ASPM: variants seen among roughly 807,000 people sequenced by gnomAD.
ASPM encodes abnormal spindle-like microcephaly-associated protein.
ASPM carries 256 observed loss-of-function variants against 366.4 expected under a neutral mutation model. The ratio of observed to expected loss-of-function variants is 0.70; its 90% CI spans 0.63 to 0.77. The LOEUF is 0.77. Ranked by LOEUF, ASPM falls within the 30% of genes least tolerant of loss-of-function variation. The probability of loss-of-function intolerance (pLI) is 0.00; values close to 1 mark genes in which losing one functional copy is unlikely to be tolerated. For synonymous variants in ASPM, 1,414 were observed against 1,342.9 expected (o/e 1.05, Z -1.16); for missense variants, 4,146 against 4,090.4 (o/e 1.01, Z -0.37).
In ASPM at chr1:197,103,624, G is replaced by A; in HGVS notation, c.5627C>T (p.Ala1876Val). The A allele has an allele frequency of 3.7e-6, 6 of 1,612,870 alleles. No homozygotes were observed. Among genetic ancestry groups the A allele is most frequent in the African/African-American group, 1.3e-5 (1 of 74,952 alleles). The change falls in exon 18 of 28, where the codon GCA (alanine) becomes GTA (valine). Residue 1876 changes from alanine to valine, a missense_variant. Coordinates refer to ENST00000367409, the MANE Select transcript of ASPM (RefSeq NM_018136.5). The stretch of plus-strand genomic sequence containing the variant: ...AGCAGACTGGAGGGAAATCACAGCT[G>A]CCTTTGTCTTCAAAAAATGTGTTCT... Reference protein sequence around the residue: ...DTRTHFLKTKAAVISLQSAYR... With the variant: ...DTRTHFLKTKVAVISLQSAYR...
In ASPM at chr1:197,086,796, T is replaced by C; in HGVS notation, c.10331+7A>G. ...CACAAATTTATGGACTATATTTAAT[T>C]GCTTACCTTGAAACTATTCTGGTCC... On this transcript the variant is annotated splice_region_variant and intron_variant, in intron 27 of 27. Coordinates refer to ENST00000367409, the MANE Select transcript of ASPM (RefSeq NM_018136.5). The C allele has an allele frequency of 5.6e-6, 9 of 1,596,306 alleles. No individual in the cohort carries two copies. The highest frequency in any genetic ancestry group is 7.7e-6 in the Non-Finnish European group (9 of 1,164,268).
At chr1:197,135,826 G>A (rs1658405147) in intron 4 of ASPM, among the ~76,000 whole-genome samples, 2 of 151,922 alleles carry the variant, frequency 1.3e-5, no homozygotes, top group African/African-American at 4.8e-5. Flanking sequence ...GGTGGCACAT[G>A]CCTGTAGCCC....
intron 27 of ASPM, among the ~76,000 whole-genome samples, chr1:197,085,732 C>T (rs1211867839): frequency 2.0e-5 from 3 of 151,846 alleles, no homozygotes; most frequent in Admixed American, 6.6e-5. Context: ...ATCAGTAGTT[C>T]CCAAAATCCA....
rs144574871 is a variant in ASPM, at chr1:197,102,976, T to A, written c.6275A>T (p.Asn2092Ile). The A allele has an allele frequency of 1.4e-4, 231 of 1,612,466 alleles. No individual in the cohort carries two copies. Among genetic ancestry groups the A allele is most frequent in the Non-Finnish European group, 1.8e-4 (213 of 1,179,108 alleles). Residue 2092 changes from asparagine to isoleucine, a missense_variant, in exon 18 of 28, where the codon AAT becomes ATT. Asn to Ile is a moderately radical substitution (Grantham distance 149, BLOSUM62 -3). Transcript: ENST00000367409. ...GATTTTAATTGCTGTCTTCTTCAAATTAAGATACTCCTTATGCTGATGGTT... is the reference window on the plus strand; with the variant it reads ...GATTTTAATTGCTGTCTTCTTCAAAATAAGATACTCCTTATGCTGATGGTT... The part of the protein sequence containing the change: ...ITNHQHKEYL[N>I]LKKTAIKIQS...
intron 25 of ASPM, among the ~76,000 whole-genome samples, chr1:197,089,300 C>T (rs1021154468): frequency 2.0e-5 from 3 of 151,930 alleles, no homozygotes; most frequent in Non-Finnish European, 4.4e-5. Flanking sequence ...ATCTTTCAAC[C>T]TTTGGTTGCA....
intron 10 of ASPM, among the ~76,000 whole-genome samples, chr1:197,128,279 T>C (rs1658148628): frequency 1.3e-5 from 2 of 149,134 alleles, no homozygotes. Context: ...TCACATGCCA[T>C]CAGGAAAAAA....
intron 19 of ASPM, 107 bp downstream of exon 19, chr1:197,095,891 A>G (rs1656958381): frequency 1.9e-6 from 2 of 1,029,000 alleles, no homozygotes; most frequent in African/African-American, 3.3e-5. Flanking sequence ...TAAATTAAGC[A>G]TAACAAATAT....
In ASPM at chr1:197,100,775, A is replaced by G. The variant is rs760313197; in HGVS notation, c.8476T>C (p.Cys2826Arg). ...RAAVTIQKAF[C>R]RMVTRKLETQ... ...TCCAGTTTTCTTGTGACCATTCTACAAAAAGCTTTTTGAATTGTTACTGCA... is the reference window on the plus strand; with the variant it reads ...TCCAGTTTTCTTGTGACCATTCTACGAAAAGCTTTTTGAATTGTTACTGCA... Residue 2826 changes from cysteine to arginine, a missense_variant, in exon 18 of 28, where the codon TGT (cysteine) becomes CGT (arginine). This residue lies in a region of ASPM where 3,624 missense variants were observed against 3,591.7 expected (regional missense o/e 1.01). Coordinates refer to ENST00000367409, the MANE Select transcript of ASPM (RefSeq NM_018136.5). The G allele has an allele frequency of 6.8e-6, 11 of 1,612,364 alleles. No individual in the cohort carries two copies. Among genetic ancestry groups the G allele is most frequent in the Admixed American group, 6.7e-5 (4 of 59,726 alleles).
rs2125085174 is a variant in ASPM at position 197,084,384 on chromosome 1, T to C, written c.10374A>G (p.Glu3458=). 3 of 1,613,178 alleles carry C rather than the reference T, an allele frequency of 1.9e-6. No individual in the cohort carries two copies. The South Asian group carries it at 3.3e-5, about 18-fold the overall frequency. Reference sequence around the variant, plus strand: ...GAATAGCTTGCAGGGGATTTGTGATTTCTTCCATGTTATCTCTTCTCAAAA... The same window carrying C: ...GAATAGCTTGCAGGGGATTTGTGATCTCTTCCATGTTATCTCTTCTCAAAA... ...DWVLRRDNME[E]ITNPLQAIQM... The change falls in exon 28 of 28, where the codon GAA becomes GAG. Residue 3458 remains glutamate, a synonymous_variant. Transcript: ENST00000367409.
intron 3 of ASPM, among the ~76,000 whole-genome samples, chr1:197,141,554 C>T (rs1229962094): frequency 6.6e-6 from 1 of 152,078 alleles, no homozygotes; most frequent in Non-Finnish European, 1.5e-5. Context: ...AGGAGAAATT[C>T]CTCATTCTTA....
At position 197,088,376 on chromosome 1, in the gene ASPM, C is replaced by T. The variant is rs191340810; in HGVS notation, c.10041G>A (p.Leu3347=). 5.3e-5 allele frequency: 86 copies of T among 1,611,080 alleles called. No individual in the cohort carries two copies. The highest frequency in any genetic ancestry group is 1.3e-4 in the Admixed American group (8 of 59,974). The part of the protein sequence containing the change: ...YDVENCIDIL[L]ELLQIYREKP... The stretch of plus-strand genomic sequence containing the variant: ...TTTCTCGGTATATCTGCAAAAGCTC[C>T]AATAGTATATCTATACAATTTTCTA... The change falls in exon 26 of 28, where the codon TTG becomes TTA. Residue 3347 remains leucine (L), a synonymous_variant. Coordinates refer to ENST00000367409, the MANE Select transcript of ASPM (RefSeq NM_018136.5).
intron 18 of ASPM, 107 bp downstream of exon 18, chr1:197,100,324 C>T (rs957050989): frequency 4.2e-5 from 34 of 804,022 alleles, no homozygotes; most frequent in Non-Finnish European, 6.5e-5. Flanking sequence ...GTCACCTCAA[C>T]TAAGTACTAT....
In ASPM at chr1:197,129,923, T is replaced by C. The variant is rs766739147; in HGVS notation, c.2621A>G (p.Tyr874Cys). 1.5e-5 allele frequency: 24 copies of C among 1,613,674 alleles called. No homozygotes were observed. The highest frequency in any genetic ancestry group is 2.7e-5 in the African/African-American group (2 of 75,054). ...EYRHPTVPHL[Y>C]RDGHEEALSK... ...GAGGCAGAGATACTTACCATCTCTATACAGGTGAGGAACAGTGGGGTGTCT... is the reference window on the plus strand; with the variant it reads ...GAGGCAGAGATACTTACCATCTCTACACAGGTGAGGAACAGTGGGGTGTCT... The change falls in exon 8 of 28, where the codon TAT becomes TGT. Residue 874 changes from tyrosine to cysteine, a missense_variant. Transcript: ENST00000367409.
intron 17 of ASPM, among the ~76,000 whole-genome samples, chr1:197,107,328 AAT>A (rs1244038045): frequency 1.3e-5 from 2 of 152,102 alleles, no homozygotes; most frequent in Non-Finnish European, 2.9e-5. Context: ...ATATGATACA[AAT>A]ATCACTCACT....
chr1:197,138,966 A>T, intron 4 of ASPM: 1 of 730,436 alleles, frequency 1.4e-6, no homozygotes, highest in Non-Finnish European at 2.5e-6. Context: ...TCGCTGCATA[A>T]ATCTGTTTCA....
intron 17 of ASPM, among the ~76,000 whole-genome samples, chr1:197,111,744 C>A (rs1313744061): frequency 2.0e-5 from 3 of 151,944 alleles, no homozygotes; most frequent in Non-Finnish European, 4.4e-5. Context: ...ATACATGCAG[C>A]CAACAATCAT....
At chr1:197,089,534 G>A (rs1656708402) in intron 25 of ASPM, among the ~76,000 whole-genome samples, 1 of 151,812 alleles carries the variant, frequency 6.6e-6, no homozygotes, top group Non-Finnish European at 1.5e-5. Context: ...ATCACACTCA[G>A]GTTCTTACAG....
Position 197,133,368 on chromosome 1 carries a change from G to A in ASPM, c.2401C>T (p.His801Tyr), listed in dbSNP as rs780706988. 3.7e-6 allele frequency: 6 copies of A among 1,613,656 alleles called. No individual in the cohort carries two copies. The African/African-American group carries it at 4.0e-5, about 11-fold the overall frequency. Residue 801 changes from histidine (H) to tyrosine (Y), a missense_variant, in exon 6 of 28, where the codon CAC becomes TAC. Transcript: ENST00000367409. ...TTCTTACCCACATCTTTCCATAGGT[G>A]TCTATCTTTTCGAACAATTAACCGC... ...ARRLIVRKDR[H>Y]LWKDVGERQK...
In ASPM at chr1:197,104,316, C is replaced by T. The variant is rs1657327210; in HGVS notation, c.4935G>A (p.Gly1645=). 3 of 1,613,070 alleles carry T rather than the reference C, an allele frequency of 1.9e-6. No individual in the cohort carries two copies. The highest frequency in any genetic ancestry group is 3.3e-5 in the Admixed American group (2 of 59,818). ...AVIVLQSAYR[G]MQARKMYIHI... ...GAATATACATTTTCCTGGCTTGCAT[C>T]CCTCTATATGCAGACTGCAGCACAA... is the stretch of plus-strand genomic sequence containing the variant. The change falls in exon 18 of 28, where the codon GGG becomes GGA. Residue 1645 remains glycine (G), a synonymous_variant. Coordinates refer to ENST00000367409, the MANE Select transcript of ASPM (RefSeq NM_018136.5).
Sources: gnomAD v4.1 joint callset for allele counts (sites outside exome capture counted in the v4.1 genomes callset) on GRCh38, gnomAD v4.1.1 for gene constraint, gnomAD v4.1.1 regional missense constraint, MANE v1.5 for transcripts, NCBI Gene and HGNC (gene_info 2026-07-23, HGNC 2026-07-21) for gene names.